The following NANP variants were observed in gnomAD, a reference collection of about 807,000 sequenced individuals.
The protein encoded by NANP is N-acetylneuraminic acid phosphatase.
A neutral mutation model predicts 16.9 loss-of-function variants in NANP; 15 were observed. The ratio of observed to expected loss-of-function variants is 0.89; its 90% CI spans 0.59 to 1.37. The LOEUF is 1.37. NANP is among the 40% of genes most tolerant of loss of function. The pLI is 0.00. For missense variants in NANP, 290 were observed against 303.5 expected, an observed-to-expected ratio of 0.96 and a Z score of 0.33; for synonymous variants, 135 against 112.6, an observed-to-expected ratio of 1.20 and a Z score of -1.26.
rs764773297 is a variant in NANP at position 25,623,978 on chromosome 20, T to C, written c.-30A>G. The C allele has an allele frequency of 3.1e-6, 5 of 1,605,878 alleles. No individual in the cohort carries two copies. The highest frequency in any genetic ancestry group is 1.7e-5 in the Admixed American group (1 of 58,730). On this transcript the variant is annotated 5_prime_UTR_variant, in exon 1 of 2. Coordinates refer to ENST00000304788, the MANE Select transcript of NANP (RefSeq NM_152667.3). ...CCGGCCGCTGGCGCGAACCGTAGCC[T>C]TGCCACCGCCGCCTGCGCATGCGCA...
chr20:25,623,428 T>A (rs1221627189), intron 1 of NANP, among the ~76,000 whole-genome samples: 1 of 152,200 alleles, frequency 6.6e-6, no homozygotes, highest in Admixed American at 6.5e-5. Context: ...AACTCTACCA[T>A]GTCTCCTCCC....
chr20:25,623,731 A>T, intron 1 of NANP, 128 bp downstream of exon 1: 1 of 911,932 alleles, frequency 1.1e-6, no homozygotes, highest in Non-Finnish European at 1.6e-6. Flanking sequence ...CGCACGCTCC[A>T]CAGGTTTCAA....
chr20:25,616,148 T>C lies in NANP; in HGVS notation c.524A>G (p.Asn175Ser), dbSNP rs142813682. ...PAPSIFYYCC[N>S]LLGVQPGDCV... ...GTCCCCAGGTTGTACTCCGAGAAGA[T>C]TGCAGCAGTAATAAAATATGGACGG... The change falls in exon 2 of 2, where the codon AAT (asparagine) becomes AGT (serine). Residue 175 changes from asparagine (N) to serine (S), a missense_variant. Asn to Ser is a conservative substitution (Grantham distance 46). Transcript: ENST00000304788. The C allele has an allele frequency of 6.8e-5, 110 of 1,614,132 alleles. No homozygotes were observed. The highest frequency in any genetic ancestry group is 6.6e-4 in the Middle Eastern group (4 of 6,062).
rs776345171 is a variant in NANP, at chr20:25,615,887, T to C, written c.*38A>G. The C allele has an allele frequency of 3.2e-6, 5 of 1,539,310 alleles. No individual in the cohort carries two copies. The highest frequency in any genetic ancestry group is 4.4e-6 in the Non-Finnish European group (5 of 1,141,312). ...CTTTTCTTATTTCATACTCAGCAAA[T>C]TGATTCTAACATTCATAATCATGCC... On this transcript the variant is annotated 3_prime_UTR_variant, in exon 2 of 2. Transcript: ENST00000304788.
At chr20:25,619,057 TGA>T (rs1369313257) in intron 1 of NANP, among the ~76,000 whole-genome samples, 1 of 151,488 alleles carries the variant, frequency 6.6e-6, no homozygotes, top group Non-Finnish European at 1.5e-5. Flanking sequence ...ACTCACCTAC[TGA>T]GAGAGGAACG....
intron 1 of NANP, among the ~76,000 whole-genome samples, chr20:25,618,220 C>T (rs2065351290): frequency 6.6e-6 from 1 of 151,834 alleles, no homozygotes; most frequent in African/African-American, 2.4e-5. Context: ...AATGCCATGA[C>T]AGTAGTTTGA....
In NANP at chr20:25,616,274, C is replaced by T. The variant is rs1360294325; in HGVS notation, c.398G>A (p.Gly133Glu). The part of the protein sequence containing the change: ...KEVRLLLLTN[G>E]DRQTQREKIE... ...CTTCTCCCTCTGGGTCTGTCTGTCC[C>T]CATTCGTTAATAGAAGTAGGCGGAC... The change falls in exon 2 of 2, where the codon GGG (glycine) becomes GAG (glutamate). Residue 133 changes from glycine to glutamate, a missense_variant. Transcript: ENST00000304788. 1.9e-6 allele frequency: 3 copies of T among 1,614,174 alleles called. No homozygotes were observed. The highest frequency in any genetic ancestry group is 1.3e-5 in the African/African-American group (1 of 75,062).
At position 25,615,226 on chromosome 20, in the gene NANP, G is replaced by A. The variant is rs1239048967; in HGVS notation, c.*699C>T. ...CTGTGCACAGGTGAGAAAATGTCAC[G>A]GTAAAGGAGCACCATGTGTTGATTT... On this transcript the variant is annotated 3_prime_UTR_variant, in exon 2 of 2. Transcript: ENST00000304788. 8.5e-5 allele frequency: 13 copies of A among 152,226 alleles called. No individual in the cohort carries two copies. The highest frequency in any genetic ancestry group is 4.4e-5 in the Non-Finnish European group (3 of 67,998). The allele number at this position is 152,226 out of a possible 1,614,324, so 9.4% of individuals were successfully genotyped here.
rs2065337516 is a variant in NANP, at chr20:25,615,097, C to T, written c.*828G>A. 6.6e-6 allele frequency: 1 copy of T among 152,334 alleles called. No homozygotes were observed. Among genetic ancestry groups the T allele is most frequent in the Admixed American group, 6.6e-5 (1 of 15,262 alleles). The allele number at this position is 152,334 out of a possible 1,614,324, so 9.4% of individuals were successfully genotyped here. Reference sequence around the variant, plus strand: ...TTAGTGCCACGTGCCTTGCAATTATCTCTAGCAAAACAGCCTAGCTCCCTC... The same window carrying T: ...TTAGTGCCACGTGCCTTGCAATTATTTCTAGCAAAACAGCCTAGCTCCCTC... On this transcript the variant is annotated 3_prime_UTR_variant, in exon 2 of 2. Coordinates refer to ENST00000304788, the MANE Select transcript of NANP (RefSeq NM_152667.3).
At chr20:25,619,220 C>G (rs1466348386) in intron 1 of NANP, among the ~76,000 whole-genome samples, 1 of 148,846 alleles carries the variant, frequency 6.7e-6, no homozygotes, top group East Asian at 2.0e-4. Context: ...TGGCCTCAAA[C>G]TCCTGGGCTC....
Position 25,623,944 on chromosome 20 carries a change from C to A in NANP, c.5G>T (p.Gly2Val), listed in dbSNP as rs1316990960. M[G>V]LSRVRAVFFD... ...GAAAACCGCCCGCACGCGGCTCAGC[C>A]CCATAGCGCCGGCCGCTGGCGCGAA... Residue 2 changes from glycine to valine, a missense_variant, in exon 1 of 2, where the codon GGG (glycine) becomes GTG (valine). By Grantham distance (109) the Gly-to-Val change is moderately radical. Coordinates refer to ENST00000304788, the MANE Select transcript of NANP (RefSeq NM_152667.3). 1.1e-5 allele frequency: 17 copies of A among 1,612,606 alleles called. No homozygotes were observed. The highest frequency in any genetic ancestry group is 1.3e-5 in the Non-Finnish European group (15 of 1,179,672).
chr20:25,619,187 A>G lies in NANP; in HGVS notation c.91-2606T>C, dbSNP rs558294723. 2.1e-4 allele frequency among the ~76,000 whole-genome samples: 32 copies of G among 148,950 alleles called. 1 individual carries two copies. In the East Asian group the frequency reaches 5.6e-3, roughly 26 times the overall value. On this transcript the variant is annotated intron_variant, in intron 1 of 1. Coordinates refer to ENST00000304788, the MANE Select transcript of NANP (RefSeq NM_152667.3). ...TTACTCAGGCTGGATGGAGTGCAGT[A>G]GAGGAATGATTATAGTTCACTGTGG...
chr20:25,617,888 C>T (rs563362595), intron 1 of NANP, among the ~76,000 whole-genome samples: 1 of 152,286 alleles, frequency 6.6e-6, no homozygotes, highest in African/African-American at 2.4e-5. Flanking sequence ...GCTTTTATAA[C>T]ACTAATCCAT....
chr20:25,617,545 C>G (rs929486582), intron 1 of NANP, among the ~76,000 whole-genome samples: 4 of 152,050 alleles, frequency 2.6e-5, no homozygotes, highest in South Asian at 2.1e-4. Context: ...GATACAGAGT[C>G]TCGCTCTGTT....
intron 1 of NANP, among the ~76,000 whole-genome samples, chr20:25,616,927 C>T (rs2065346058): frequency 6.6e-6 from 1 of 152,154 alleles, no homozygotes; most frequent in Non-Finnish European, 1.5e-5. Flanking sequence ...TGGCTCATGC[C>T]TGTAATCCCA....
intron 1 of NANP, 90 bp from the exon 2 acceptor site, chr20:25,616,671 G>T: frequency 2.0e-6 from 2 of 1,006,036 alleles, no homozygotes; most frequent in South Asian, 1.7e-5. Flanking sequence ...GGCTGAGAGA[G>T]TCCAACTCCA....
In NANP at chr20:25,616,089, T is replaced by C. The variant is rs1568987890; in HGVS notation, c.583A>G (p.Ile195Val). ...AATCCTGCATTGAGGCCTCCTTGGA[T>C]GTCGGTTTCTAATGTGTCACCGACC... Reference protein sequence around the residue: ...VMVGDTLETDIQGGLNAGLKA... With the variant: ...VMVGDTLETDVQGGLNAGLKA... The change falls in exon 2 of 2, where the codon ATC (isoleucine) becomes GTC (valine). Residue 195 changes from isoleucine (I) to valine (V), a missense_variant. Physicochemically the swap from Ile to Val is conservative, Grantham distance 29. Coordinates refer to ENST00000304788, the MANE Select transcript of NANP (RefSeq NM_152667.3). 14 of 1,614,090 alleles carry C rather than the reference T, an allele frequency of 8.7e-6. No individual in the cohort carries two copies. The highest frequency in any genetic ancestry group is 1.2e-5 in the Non-Finnish European group (14 of 1,180,048).
chr20:25,620,474 C>T (rs1384785500), intron 1 of NANP, among the ~76,000 whole-genome samples: 1 of 152,154 alleles, frequency 6.6e-6, no homozygotes, highest in African/African-American at 2.4e-5. Flanking sequence ...GCTCCCTAGA[C>T]CCAGAACTAA....
At chr20:25,619,684 A>C (rs1225315305) in intron 1 of NANP, among the ~76,000 whole-genome samples, 1 of 152,144 alleles carries the variant, frequency 6.6e-6, no homozygotes, top group East Asian at 1.9e-4. Flanking sequence ...AGCAACATCA[A>C]TTGAAGGACT....
Sources: allele counts gnomAD v4.1 joint callset (sites outside exome capture counted in the v4.1 genomes callset), GRCh38; gene constraint gnomAD v4.1.1; transcripts MANE v1.5; gene names NCBI Gene and HGNC (gene_info 2026-07-23, HGNC 2026-07-21).